ZNF708: variants seen among roughly 807,000 people sequenced by gnomAD.
ZNF708 encodes zinc finger protein 708, also known as ZNF15, ZNF15L1.
Under a neutral mutation model 47.0 loss-of-function variants are expected in ZNF708, and 44 were observed. The ratio of observed to expected loss-of-function variants is 0.94; its 90% CI spans 0.74 to 1.20. The LOEUF (loss-of-function observed/expected upper bound fraction) is 1.20, where lower values mean the gene tolerates loss of function less well. Ranked by LOEUF, ZNF708 falls within the 50% of genes most tolerant of loss-of-function variation. ZNF708 has a pLI of 0.00. For synonymous variants in ZNF708, 184 were observed against 218.5 expected, an observed-to-expected ratio of 0.84 and a Z score of 1.39; for missense variants, 557 against 656.0, an observed-to-expected ratio of 0.85 and a Z score of 1.65.
chr19:21,301,289 C>T (rs1481148309), intron 3 of ZNF708, among the ~76,000 whole-genome samples: 1 of 151,494 alleles, frequency 6.6e-6, no homozygotes, highest in South Asian at 2.1e-4. Context: ...CCAGCCTGGC[C>T]AACATAGTGA....
At chr19:21,312,483 T>C (rs573434979) in intron 1 of ZNF708, among the ~76,000 whole-genome samples, 12 of 152,016 alleles carry the variant, frequency 7.9e-5, no homozygotes, top group African/African-American at 2.9e-4. Context: ...AAATACAACA[T>C]GGATGTGTCC....
intron 1 of ZNF708, 133 bp downstream of exon 1, chr19:21,329,077 C>A: frequency 4.3e-6 from 6 of 1,385,192 alleles, no homozygotes; most frequent in Non-Finnish European, 6.1e-6. Context: ...GGACTGAGGC[C>A]GAGCTAGGCA....
At chr19:21,326,591 C>T (rs765175205) in intron 1 of ZNF708, among the ~76,000 whole-genome samples, 1 of 152,128 alleles carries the variant, frequency 6.6e-6, no homozygotes, top group Non-Finnish European at 1.5e-5. Context: ...TAAAAGACTA[C>T]AAATTTGGTG....
At chr19:21,329,182 C>T in intron 1 of ZNF708, 28 bp downstream of exon 1, 2 of 1,611,996 alleles carry the variant, frequency 1.2e-6, no homozygotes, top group South Asian at 2.2e-5. Flanking sequence ...CCCTTCCCCT[C>T]TCTCGGGATG....
At chr19:21,327,313 T>A (rs183477668) in intron 1 of ZNF708, among the ~76,000 whole-genome samples, 1 of 152,172 alleles carries the variant, frequency 6.6e-6, no homozygotes, top group East Asian at 1.9e-4. Flanking sequence ...GCGGATCACC[T>A]GAGGTCTGGA....
chr19:21,309,268 G>A lies in ZNF708; in HGVS notation c.204C>T (p.His68=), dbSNP rs776260866. 3.4e-5 allele frequency: 55 copies of A among 1,603,632 alleles called. No individual in the cohort carries two copies. The highest frequency in any genetic ancestry group is 3.3e-4 in the Middle Eastern group (2 of 6,008). ...TACCTGGGGGTTTGGCTGCCATCTCGTGTCTCTTCATATTCCAGGGCTCTT... is the reference window on the plus strand; with the variant it reads ...TACCTGGGGGTTTGGCTGCCATCTCATGTCTCTTCATATTCCAGGGCTCTT... ...QGKEPWNMKR[H]EMAAKPPAMC... The change falls in exon 3 of 4, where the codon CAC becomes CAT. Residue 68 remains histidine, a synonymous_variant. Coordinates refer to ENST00000356929, the MANE Select transcript of ZNF708 (RefSeq NM_021269.3).
intron 1 of ZNF708, 36 bp downstream of exon 1, chr19:21,329,174 C>G (rs543198571): frequency 6.2e-7 from 1 of 1,611,456 alleles, no homozygotes; most frequent in Non-Finnish European, 8.5e-7. Context: ...TCAACCAGCC[C>G]TTCCCCTCTC....
At chr19:21,312,514 C>T (rs929962450) in intron 1 of ZNF708, among the ~76,000 whole-genome samples, 2 of 152,024 alleles carry the variant, frequency 1.3e-5, no homozygotes, top group African/African-American at 4.8e-5. Context: ...ATAAACAGAG[C>T]CTGTGAGGAG....
intron 1 of ZNF708, among the ~76,000 whole-genome samples, 155 bp from the exon 2 acceptor site, chr19:21,310,782 T>C (rs1011364036): frequency 6.6e-6 from 1 of 152,218 alleles, no homozygotes; most frequent in Non-Finnish European, 1.5e-5. Context: ...ACAGAAATAT[T>C]CTCGAATGTA....
At chr19:21,299,137 C>A (rs879763470) in intron 3 of ZNF708, among the ~76,000 whole-genome samples, 3 of 152,146 alleles carry the variant, frequency 2.0e-5, no homozygotes, top group Non-Finnish European at 4.4e-5. Flanking sequence ...GGGTGGATCA[C>A]GAGGTCAGGA....
At position 21,309,237 on chromosome 19, in the gene ZNF708, C is replaced by G. The variant is rs796710944; in HGVS notation, c.226+9G>C. 1.1e-5 allele frequency: 17 copies of G among 1,593,314 alleles called. No homozygotes were observed. In the Admixed American group the frequency reaches 2.1e-4, roughly 19 times the overall value. Reference sequence around the variant, plus strand: ...ATCTGTGTCATCTGTTGTGTTCACTCTCACCTACCTGGGGGTTTGGCTGCC... The same window carrying G: ...ATCTGTGTCATCTGTTGTGTTCACTGTCACCTACCTGGGGGTTTGGCTGCC... On this transcript the variant is annotated intron_variant, in intron 3 of 3. Coordinates refer to ENST00000356929, the MANE Select transcript of ZNF708 (RefSeq NM_021269.3).
intron 1 of ZNF708, among the ~76,000 whole-genome samples, chr19:21,311,818 C>T (rs767424282): frequency 2.4e-4 from 36 of 152,242 alleles, no homozygotes; most frequent in Non-Finnish European, 3.8e-4. Context: ...TACATGGACA[C>T]CAACAATTTC....
intron 1 of ZNF708, among the ~76,000 whole-genome samples, chr19:21,327,473 G>A (rs1170277751): frequency 2.6e-5 from 4 of 151,232 alleles, no homozygotes; most frequent in African/African-American, 7.3e-5. Context: ...CGGAGGTTGC[G>A]GTGACCCGAG....
At chr19:21,295,280 G>T (rs1273693427) in intron 3 of ZNF708, among the ~76,000 whole-genome samples, 1 of 152,056 alleles carries the variant, frequency 6.6e-6, no homozygotes, top group Non-Finnish European at 1.5e-5. Context: ...CAGGAAACAG[G>T]TTTAGCAAGT....
At chr19:21,316,133 C>CTTTTTTTTTTTTTTTTTTTT (rs544312163) in intron 1 of ZNF708, among the ~76,000 whole-genome samples, 2 of 105,490 alleles carry the variant, frequency 1.9e-5, no homozygotes, top group Non-Finnish European at 3.5e-5. Context: ...TTTCTTTTTT[C>CTTTTTTTTTTTTTTTTTTTT]TTTTTTTTTT....
chr19:21,292,338 G>A lies in ZNF708; in HGVS notation c.*936C>T, dbSNP rs1228806762. The A allele has an allele frequency of 2.0e-5, 3 of 152,190 alleles. No homozygotes were observed. Among genetic ancestry groups the A allele is most frequent in the African/African-American group, 7.2e-5 (3 of 41,448 alleles). 9.4% of individuals were successfully genotyped at this position (152,190 alleles called of 1,614,324 possible). A position where few individuals can be genotyped will look rare whatever the true frequency, so the allele number is the denominator to read the frequency against. On this transcript the variant is annotated 3_prime_UTR_variant, in exon 4 of 4. Coordinates refer to ENST00000356929, the MANE Select transcript of ZNF708 (RefSeq NM_021269.3). ...AGCCACCATGCCCGGCCCTACCTTA[G>A]ATATTTCCACTGTGAATTCTCTGAT...
At chr19:21,329,083 A>T in intron 1 of ZNF708, 127 bp downstream of exon 1, 1 of 1,404,668 alleles carries the variant, frequency 7.1e-7, no homozygotes, top group Non-Finnish European at 1.0e-6. Context: ...AGGCCGAGCT[A>T]GGCAAGGAGA....
chr19:21,302,477 C>T (rs1388943005), intron 3 of ZNF708, among the ~76,000 whole-genome samples: 2 of 151,946 alleles, frequency 1.3e-5, no homozygotes, highest in Non-Finnish European at 2.9e-5. Context: ...GCGGGTGTAT[C>T]ACCTGAGGTC....
chr19:21,310,185 G>A (rs1471069679), intron 2 of ZNF708, among the ~76,000 whole-genome samples: 2 of 152,030 alleles, frequency 1.3e-5, no homozygotes, highest in Admixed American at 6.5e-5. Context: ...GGTGGCTCAC[G>A]CCTGTAATCC....
Sources: allele counts gnomAD v4.1 joint callset (sites outside exome capture counted in the v4.1 genomes callset), GRCh38; gene constraint gnomAD v4.1.1; transcripts MANE v1.5; gene names NCBI Gene and HGNC (gene_info 2026-07-23, HGNC 2026-07-21).